Variants in STRN3 observed in about 807,000 individuals in gnomAD.
The protein encoded by STRN3 is striatin-3.
In STRN3, 29 loss-of-function variants were observed where a neutral mutation model predicts 95.6. The observed-to-expected ratio is 0.30, with a 90% confidence interval of 0.23 to 0.41. STRN3 has a LOEUF of 0.41. Ranked by LOEUF, STRN3 falls within the 10% of genes least tolerant of loss-of-function variation. The pLI is 1.00. For missense variants in STRN3, 890 were observed against 972.1 expected (o/e 0.92, Z 1.12); for synonymous variants, 331 against 357.6 (o/e 0.93, Z 0.84).
intron 3 of STRN3, among the ~76,000 whole-genome samples, chr14:30,952,233 G>A (rs939292987): frequency 3.3e-5 from 5 of 152,056 alleles, no homozygotes; most frequent in Non-Finnish European, 5.9e-5. Flanking sequence ...ATACTTCCCC[G>A]TAAGTTCCCA....
At chr14:30,899,061 T>G (rs891521343) in intron 16 of STRN3, among the ~76,000 whole-genome samples, 3 of 152,218 alleles carry the variant, frequency 2.0e-5, no homozygotes, top group Non-Finnish European at 2.9e-5. Flanking sequence ...TCACACAGAA[T>G]AGACAATATA....
At chr14:30,962,982 A>G (rs1217374684) in intron 1 of STRN3, among the ~76,000 whole-genome samples, 2 of 152,188 alleles carry the variant, frequency 1.3e-5, no homozygotes, top group East Asian at 1.9e-4. Flanking sequence ...AGTGCAGGCT[A>G]TATTATCTAG....
At chr14:30,968,678 CA>C (rs202184920) in intron 1 of STRN3, among the ~76,000 whole-genome samples, 85,755 of 127,640 alleles carry the variant, frequency 0.67, 27,216 homozygotes, top group East Asian at 0.77. Flanking sequence ...GACTCCATCT[CA>C]AAAAAAAAAA....
At chr14:30,917,682 T>C (rs751801352) in intron 9 of STRN3, among the ~76,000 whole-genome samples, 4 of 151,890 alleles carry the variant, frequency 2.6e-5, no homozygotes, top group Non-Finnish European at 4.4e-5. Context: ...TCATTCATTT[T>C]GTTTTGAATG....
At chr14:30,898,306 G>A (rs1431470068) in intron 16 of STRN3, among the ~76,000 whole-genome samples, 2 of 152,118 alleles carry the variant, frequency 1.3e-5, no homozygotes, top group Admixed American at 6.6e-5. Flanking sequence ...CACAGATCTA[G>A]TTCAAACTTC....
Position 30,894,956 on chromosome 14 carries a change from C to T in STRN3, c.*455G>A, listed in dbSNP as rs1594399116. The T allele has an allele frequency of 1.2e-5, 12 of 1,027,030 alleles. No homozygotes were observed. The highest frequency in any genetic ancestry group is 1.4e-5 in the Non-Finnish European group (12 of 832,448). The allele number at this position is 1,027,030 out of a possible 1,614,324, so 63.6% of individuals were successfully genotyped here. ...GAATCTGTGGCATTCAACCGATAAA[C>T]AGAAGATCACTAAGAGATGAAAAAA... On this transcript the variant is annotated 3_prime_UTR_variant, in exon 18 of 18. Transcript: ENST00000357479.
chr14:30,979,029 A>G (rs1264010403), intron 1 of STRN3, among the ~76,000 whole-genome samples: 3 of 74,894 alleles, frequency 4.0e-5, no homozygotes, highest in East Asian at 3.8e-4. Flanking sequence ...GTGAGACTCC[A>G]TCTCAAAAAA....
At chr14:30,997,965 C>A (rs1427516427) in intron 1 of STRN3, among the ~76,000 whole-genome samples, 1 of 152,142 alleles carries the variant, frequency 6.6e-6, no homozygotes, top group East Asian at 1.9e-4. Flanking sequence ...GTCCATTAAA[C>A]AAATATGGCT....
At chr14:30,959,409 G>C (rs764873584) in intron 1 of STRN3, among the ~76,000 whole-genome samples, 11 of 152,128 alleles carry the variant, frequency 7.2e-5, no homozygotes, top group Non-Finnish European at 8.8e-5. Flanking sequence ...AAGTAAATGA[G>C]AGAGAAGTCA....
At chr14:30,907,472 T>C (rs565763923) in intron 13 of STRN3, among the ~76,000 whole-genome samples, 1 of 152,316 alleles carries the variant, frequency 6.6e-6, no homozygotes, top group African/African-American at 2.4e-5. Flanking sequence ...CCTCCCCACC[T>C]TTCCACAAGT....
At chr14:30,923,417 T>C (rs188691669) in intron 8 of STRN3, among the ~76,000 whole-genome samples, 6 of 152,280 alleles carry the variant, frequency 3.9e-5, no homozygotes, top group African/African-American at 1.2e-4. Context: ...TTTTCAAATG[T>C]ATTGATAATC....
intron 1 of STRN3, among the ~76,000 whole-genome samples, chr14:31,015,227 C>T (rs954448883): frequency 3.9e-5 from 6 of 152,208 alleles, no homozygotes; most frequent in Admixed American, 3.3e-4. Context: ...GAATTTGACA[C>T]AAACCATGCC....
At chr14:30,923,557 T>C (rs7153403) in intron 8 of STRN3, among the ~76,000 whole-genome samples, 29,107 of 152,018 alleles carry the variant, frequency 0.19, 3,180 homozygotes, top group Middle Eastern at 0.27. Flanking sequence ...AAAATTAAGA[T>C]AAGTCCACTC....
chr14:30,954,067 G>A (rs932993595), intron 3 of STRN3, among the ~76,000 whole-genome samples: 1 of 152,082 alleles, frequency 6.6e-6, no homozygotes, highest in Non-Finnish European at 1.5e-5. Flanking sequence ...TGCCTCTTCT[G>A]CATTTTAGCC....
intron 1 of STRN3, among the ~76,000 whole-genome samples, chr14:30,969,216 A>G (rs1006605493): frequency 1.3e-5 from 2 of 152,204 alleles, no homozygotes; most frequent in African/African-American, 2.4e-5. Flanking sequence ...AGGGCAAATC[A>G]TGAGGTCAGG....
chr14:30,901,328 A>C (rs1896309011), intron 16 of STRN3, among the ~76,000 whole-genome samples: 1 of 152,144 alleles, frequency 6.6e-6, no homozygotes, highest in South Asian at 2.1e-4. Context: ...ATCCACTTGA[A>C]TCTTATGTCC....
intron 8 of STRN3, among the ~76,000 whole-genome samples, chr14:30,921,903 C>T (rs1412636141): frequency 6.6e-6 from 1 of 152,042 alleles, no homozygotes. Flanking sequence ...CAAGGTCTTG[C>T]CCTGTCACCC....
Position 30,907,670 on chromosome 14 carries a change from T to C in STRN3, c.1721-626A>G, listed in dbSNP as rs561453149. On this transcript the variant is annotated intron_variant, in intron 13 of 17. Transcript: ENST00000357479. ...GTACAGTGGCATGGTCACAGTCCAC[T>C]GCAGCCTTGAACTCCTGGTCACTGA... Among the ~76,000 whole-genome samples, 5 of 152,314 alleles carry C rather than the reference T, an allele frequency of 3.3e-5. No individual in the cohort carries two copies. The East Asian group carries it at 9.6e-4, about 29-fold the overall frequency.
rs190361566 is a variant in STRN3, at chr14:30,965,064, C to T, written c.283-8822G>A. 3.6e-3 allele frequency among the ~76,000 whole-genome samples: 545 copies of T among 152,220 alleles called. 6 individuals carry two copies. Among genetic ancestry groups the T allele is most frequent in the Non-Finnish European group, 4.3e-3 (291 of 68,022 alleles). On this transcript the variant is annotated intron_variant, in intron 1 of 17. Coordinates refer to ENST00000357479, the MANE Select transcript of STRN3 (RefSeq NM_001083893.2). ...AACATGTTATTTGATGGAATTCAGACGATAACACACTATTTTGAGTATTGA... is the reference window on the plus strand; with the variant it reads ...AACATGTTATTTGATGGAATTCAGATGATAACACACTATTTTGAGTATTGA...
Sources: gnomAD v4.1 joint callset for allele counts (sites outside exome capture counted in the v4.1 genomes callset) on GRCh38, gnomAD v4.1.1 for gene constraint, MANE v1.5 for transcripts, NCBI Gene and HGNC (gene_info 2026-07-23, HGNC 2026-07-21) for gene names.